The following HPSE2 variants were observed in gnomAD, a reference collection of about 807,000 sequenced individuals.
HPSE2 encodes the protein inactive heparanase-2.
HPSE2 carries 38 observed loss-of-function variants against 60.5 expected under a neutral mutation model. That is an observed-to-expected ratio of 0.63 (90% CI 0.48 to 0.82). HPSE2 has a LOEUF of 0.82. HPSE2 is among the 40% of genes least tolerant of loss of function. HPSE2 has a pLI of 0.00. For missense variants in HPSE2, 713 were observed against 740.4 expected (o/e 0.96, Z 0.43); for synonymous variants, 295 against 293.2 (o/e 1.01, Z -0.06).
chr10:98,987,853 GACAA>G (rs1185698234), intron 3 of HPSE2, among the ~76,000 whole-genome samples: 5 of 151,764 alleles, frequency 3.3e-5, no homozygotes, highest in African/African-American at 4.8e-5. Context: ...ACCAATAACA[GACAA>G]ACAGAGAGCC....
chr10:98,779,515 G>C (rs1003957557), intron 3 of HPSE2, among the ~76,000 whole-genome samples: 3 of 152,236 alleles, frequency 2.0e-5, no homozygotes, highest in South Asian at 2.1e-4. Context: ...AGTGATACCA[G>C]AAAAAGCAGA....
At chr10:98,752,623 AG>A (rs1190574563) in intron 3 of HPSE2, among the ~76,000 whole-genome samples, 2 of 152,224 alleles carry the variant, frequency 1.3e-5, no homozygotes, top group African/African-American at 4.8e-5. Context: ...AAATGGCAAA[AG>A]TCTTGAAAGG....
intron 9 of HPSE2, among the ~76,000 whole-genome samples, chr10:98,559,341 C>T (rs1454981196): frequency 6.6e-6 from 1 of 152,090 alleles, no homozygotes. Flanking sequence ...TCTATTGGTT[C>T]TTTAACTCAG....
intron 2 of HPSE2, among the ~76,000 whole-genome samples, chr10:99,229,810 GT>G (rs1372057100): frequency 6.6e-6 from 1 of 152,148 alleles, no homozygotes; most frequent in African/African-American, 2.4e-5. Flanking sequence ...TTATGCCCAA[GT>G]GCTTACTACA....
intron 3 of HPSE2, among the ~76,000 whole-genome samples, chr10:98,912,056 CAT>C: frequency 6.6e-6 from 1 of 152,146 alleles, no homozygotes; most frequent in Non-Finnish European, 1.5e-5. Context: ...ATATTAGTAA[CAT>C]ATGCATTGGT....
At chr10:99,212,317 C>T (rs942148185) in intron 2 of HPSE2, among the ~76,000 whole-genome samples, 1 of 152,006 alleles carries the variant, frequency 6.6e-6, no homozygotes, top group African/African-American at 2.4e-5. Context: ...GATATATATA[C>T]ATAGGAAATG....
At chr10:98,896,834 C>G (rs1381232928) in intron 3 of HPSE2, among the ~76,000 whole-genome samples, 2 of 152,162 alleles carry the variant, frequency 1.3e-5, no homozygotes, top group Non-Finnish European at 2.9e-5. Context: ...TCTGTGACCA[C>G]AAATTTGGTA....
chr10:99,184,393 T>C (rs896009305), intron 2 of HPSE2, among the ~76,000 whole-genome samples: 1 of 151,394 alleles, frequency 6.6e-6, no homozygotes, highest in African/African-American at 2.4e-5. Flanking sequence ...GGCTTGGTGG[T>C]GCATGCCTAT....
At chr10:98,612,805 C>G (rs1257220915) in intron 9 of HPSE2, among the ~76,000 whole-genome samples, 2 of 152,130 alleles carry the variant, frequency 1.3e-5, no homozygotes, top group African/African-American at 4.8e-5. Context: ...TAAGTTAGAT[C>G]AGGTTACTTC....
intron 9 of HPSE2, among the ~76,000 whole-genome samples, chr10:98,567,787 A>G (rs568469080): frequency 6.6e-6 from 1 of 152,046 alleles, no homozygotes; most frequent in South Asian, 2.1e-4. Context: ...ATGTAAGTGT[A>G]CCAAATTGTG....
the HPSE2 span, among the ~76,000 whole-genome samples, chr10:99,266,344 T>TG: frequency 0.072 from 11,030 of 152,146 alleles, 512 homozygotes; most frequent in Non-Finnish European, 0.1. Context: ...TTGGGCTGTA[T>TG]GGGAGCTGAA....
At position 98,865,519 on chromosome 10, in the gene HPSE2, C is replaced by A. The variant is rs114455572; in HGVS notation, c.611-121463G>T. On this transcript the variant is annotated intron_variant, in intron 3 of 11. Coordinates refer to ENST00000370552, the MANE Select transcript of HPSE2 (RefSeq NM_021828.5). Reference sequence around the variant, plus strand: ...ATGACACAGAAAAGATGAAAAGGAGCTTAGTAAGCTCCTTGACTTGAGGAG... The same window carrying A: ...ATGACACAGAAAAGATGAAAAGGAGATTAGTAAGCTCCTTGACTTGAGGAG... Among the ~76,000 whole-genome samples the A allele has an allele frequency of 9.7e-3, 1,469 of 152,082 alleles. 30 individuals are homozygous for A. Among genetic ancestry groups the A allele is most frequent in the African/African-American group, 0.033 (1,390 of 41,510 alleles).
At chr10:99,257,542 G>A in the HPSE2 span, among the ~76,000 whole-genome samples, 25 of 152,148 alleles carry the variant, frequency 1.6e-4, no homozygotes, top group African/African-American at 4.1e-4. Context: ...GGAAATCCCC[G>A]CCTAATAAAT....
chr10:99,118,561 G>C (rs1371163472), intron 3 of HPSE2, among the ~76,000 whole-genome samples: 1 of 138,876 alleles, frequency 7.2e-6, no homozygotes, highest in South Asian at 2.4e-4. Context: ...AAAATAATAA[G>C]AGCCATCTAT....
At chr10:99,076,092 TTC>T (rs1842942836) in intron 3 of HPSE2, among the ~76,000 whole-genome samples, 1 of 152,106 alleles carries the variant, frequency 6.6e-6, no homozygotes, top group South Asian at 2.1e-4. Flanking sequence ...TTTCATTGCT[TTC>T]TGTTTGTCTT....
At chr10:99,123,676 T>C (rs1845050477) in intron 3 of HPSE2, among the ~76,000 whole-genome samples, 4 of 152,206 alleles carry the variant, frequency 2.6e-5, no homozygotes, top group African/African-American at 7.2e-5. Flanking sequence ...AGTTGCTTTA[T>C]TGAGTGACTA....
chr10:98,682,820 G>C (rs890541215), intron 6 of HPSE2, among the ~76,000 whole-genome samples: 1 of 152,132 alleles, frequency 6.6e-6, no homozygotes, highest in Non-Finnish European at 1.5e-5. Context: ...AAAGGGTCCT[G>C]AGACAAAAAA....
In HPSE2 at chr10:98,597,987, A is replaced by T. The variant is rs1252762; in HGVS notation, c.1320+16917T>A. Among the ~76,000 whole-genome samples the T allele has an allele frequency of 6.4e-3, 970 of 150,848 alleles. 9 individuals are homozygous for T. Among genetic ancestry groups the T allele is most frequent in the Non-Finnish European group, 0.011 (724 of 67,702 alleles). ...CTCCATCTCAAAAAAAAAAAAAAAA[A>T]AAAAAAAAAAATTGCTCTTTTGATG... On this transcript the variant is annotated intron_variant, in intron 9 of 11. Transcript: ENST00000370552.
At chr10:98,665,258 A>C (rs932571773) in intron 6 of HPSE2, among the ~76,000 whole-genome samples, 2 of 152,196 alleles carry the variant, frequency 1.3e-5, no homozygotes, top group African/African-American at 4.8e-5. Context: ...ATTTAAATGA[A>C]CAAAACCTCT....
Sources: gnomAD v4.1 joint callset for allele counts (sites outside exome capture counted in the v4.1 genomes callset) on GRCh38, gnomAD v4.1.1 for gene constraint, MANE v1.5 for transcripts, NCBI Gene and HGNC (gene_info 2026-07-23, HGNC 2026-07-21) for gene names.